Variants in ADGRV1 observed in about 807,000 individuals in gnomAD.
ADGRV1 encodes G-protein coupled receptor 98.
In ADGRV1, 359 loss-of-function variants were observed where a neutral mutation model predicts 596.2. The ratio of observed to expected loss-of-function variants is 0.60; its 90% CI spans 0.55 to 0.66. The LOEUF (loss-of-function observed/expected upper bound fraction) is 0.66. Ranked by LOEUF, ADGRV1 falls within the 30% of genes least tolerant of loss-of-function variation. The pLI is 0.00. For missense variants in ADGRV1, 7,274 were observed against 7,575.6 expected (o/e 0.96, Z 1.48); for synonymous variants, 2,681 against 2,679.2 (o/e 1.00, Z -0.02).
rs539747361 is a variant in ADGRV1 at position 90,774,243 on chromosome 5, G to T, written c.12343G>T (p.Asp4115Tyr). ...HTLQDTVLEE[D>Y]RRFTIQLISI... ...ACTTCAAGACACAGTGTTGGAGGAG[G>T]ACAGGCGTTTCACCATTCAGCTGAT... The change falls in exon 60 of 90, where the codon GAC (aspartate) becomes TAC (tyrosine). Residue 4115 changes from aspartate to tyrosine, a missense_variant. By Grantham distance (160) the Asp-to-Tyr change is radical (BLOSUM62 -3). Around this residue, in one of 5 missense-constraint regions of ADGRV1, gnomAD observed 3,643 missense variants for 3,809.2 expected, o/e 0.96. Coordinates refer to ENST00000405460, the MANE Select transcript of ADGRV1 (RefSeq NM_032119.4). 1 of 1,611,820 alleles carries T rather than the reference G, an allele frequency of 6.2e-7. No homozygotes were observed. The highest frequency in any genetic ancestry group is 1.1e-5 in the South Asian group (1 of 91,026).
Position 90,658,110 on chromosome 5 carries a change from T to C in ADGRV1, c.4584T>C (p.Ser1528=), listed in dbSNP as rs1195045693. The C allele has an allele frequency of 6.2e-7, 1 of 1,613,794 alleles. No individual in the cohort carries two copies. Among genetic ancestry groups the C allele is most frequent in the Non-Finnish European group, 8.5e-7 (1 of 1,179,832 alleles). The part of the protein sequence containing the change: ...QGETNKSFII[S]ARDDNDEEGE... Reference sequence around the variant, plus strand: ...AAACTAACAAATCATTCATTATTTCTGCAAGAGATGACAATGACGAGGAAG... The same window carrying C: ...AAACTAACAAATCATTCATTATTTCCGCAAGAGATGACAATGACGAGGAAG... Residue 1528 remains serine (S), a synonymous_variant, in exon 21 of 90, where the codon TCT becomes TCC. Coordinates refer to ENST00000405460, the MANE Select transcript of ADGRV1 (RefSeq NM_032119.4).
intron 13 of ADGRV1, among the ~76,000 whole-genome samples, chr5:90,643,282 G>A (rs949071275): frequency 5.3e-5 from 8 of 151,534 alleles, no homozygotes; most frequent in Non-Finnish European, 2.9e-5. Flanking sequence ...GACTTTCAGT[G>A]TGTGATCAGT....
intron 1 of ADGRV1, among the ~76,000 whole-genome samples, chr5:90,595,655 C>T (rs1273963900): frequency 1.7e-4 from 21 of 126,430 alleles, no homozygotes; most frequent in African/African-American, 3.0e-4. Flanking sequence ...GCTGGCCGGG[C>T]GGGGAACTGA....
At position 90,965,493 on chromosome 5, in the gene ADGRV1, T is replaced by G; in HGVS notation, c.17935T>G (p.Tyr5979Asp). 1 of 1,613,450 alleles carries G rather than the reference T, an allele frequency of 6.2e-7. No individual in the cohort carries two copies. The highest frequency in any genetic ancestry group is 1.1e-5 in the South Asian group (1 of 91,024). The change falls in exon 84 of 90, where the codon TAC (tyrosine) becomes GAC (aspartate). Residue 5979 changes from tyrosine to aspartate, a missense_variant. Tyr to Asp is a radical substitution (Grantham distance 160). Transcript: ENST00000405460. ...SCSAMAAVTH[Y>D]LYLCQFSWML... ...TTCAGCTATGGCTGCTGTCACACAT[T>G]ACCTGTATCTTTGCCAGTTTAGCTG...
chr5:91,078,412 T>A (rs1789039750), intron 86 of ADGRV1, among the ~76,000 whole-genome samples: 1 of 152,162 alleles, frequency 6.6e-6, no homozygotes, highest in Admixed American at 6.5e-5. Context: ...ATGGCTGCCA[T>A]CAGTTACTTT....
chr5:90,815,506 A>T (rs1762807247), intron 74 of ADGRV1, 113 bp from the exon 75 acceptor site: 1 of 588,238 alleles, frequency 1.7e-6, no homozygotes. Flanking sequence ...AGCTCTCCTC[A>T]CCACCTGTGA....
chr5:91,086,135 C>T (rs749481391), intron 86 of ADGRV1, among the ~76,000 whole-genome samples: 1 of 152,166 alleles, frequency 6.6e-6, no homozygotes, highest in Non-Finnish European at 1.5e-5. Flanking sequence ...GGTCATAGCC[C>T]TTTCTTCTTA....
intron 85 of ADGRV1, among the ~76,000 whole-genome samples, chr5:91,001,504 G>A (rs1263506225): frequency 6.6e-6 from 1 of 151,960 alleles, no homozygotes; most frequent in African/African-American, 2.4e-5. Flanking sequence ...TGAGACCAGG[G>A]AGTTTAGGCA....
chr5:90,581,702 G>A (rs1158190793), intron 1 of ADGRV1, among the ~76,000 whole-genome samples: 1 of 152,146 alleles, frequency 6.6e-6, no homozygotes, highest in East Asian at 1.9e-4. Flanking sequence ...ACGGGGCTCT[G>A]GCACCCACTT....
intron 50 of ADGRV1, among the ~76,000 whole-genome samples, chr5:90,739,801 A>G (rs1753725867): frequency 6.6e-6 from 1 of 152,196 alleles, no homozygotes; most frequent in South Asian, 2.1e-4. Context: ...GCAGGACTGC[A>G]GGCTATGCTG....
At chr5:91,055,249 A>AAC (rs1554208815) in intron 85 of ADGRV1, among the ~76,000 whole-genome samples, 1 of 147,178 alleles carries the variant, frequency 6.8e-6, no homozygotes, top group African/African-American at 2.5e-5. Flanking sequence ...TGCTGTTGCA[A>AAC]ATATATATAT....
intron 21 of ADGRV1, among the ~76,000 whole-genome samples, chr5:90,669,554 T>A (rs1409226157): frequency 1.3e-5 from 2 of 152,350 alleles, no homozygotes; most frequent in South Asian, 4.1e-4. Flanking sequence ...TGGCATATTA[T>A]CTTTAAAAAA....
intron 85 of ADGRV1, among the ~76,000 whole-genome samples, chr5:91,070,765 ACT>A (rs1433982794): frequency 6.6e-6 from 1 of 152,170 alleles, no homozygotes; most frequent in Non-Finnish European, 1.5e-5. Flanking sequence ...TCCTATCTAA[ACT>A]CTGGTAATAA....
At position 90,774,212 on chromosome 5, in the gene ADGRV1, G is replaced by A. The variant is rs754753377; in HGVS notation, c.12312G>A (p.Leu4104=). 1 of 1,608,060 alleles carries A rather than the reference G, an allele frequency of 6.2e-7. No individual in the cohort carries two copies. The highest frequency in any genetic ancestry group is 8.5e-7 in the Non-Finnish European group (1 of 1,175,102). The change falls in exon 60 of 90, where the codon TTG becomes TTA. Residue 4104 remains leucine, a synonymous_variant. Transcript: ENST00000405460. ...DETESQKTIV[L]HTLQDTVLEE... is the part of the protein sequence containing the mutation. ...CTGAGTCCCAGAAGACCATTGTGTT[G>A]CACACACTTCAAGACACAGTGTTGG... is the stretch of plus-strand genomic sequence containing the variant.
At chr5:90,724,315 C>T (rs1044806516) in intron 45 of ADGRV1, among the ~76,000 whole-genome samples, 20 of 152,124 alleles carry the variant, frequency 1.3e-4, no homozygotes, top group African/African-American at 3.4e-4. Flanking sequence ...CTACAACCTC[C>T]GCCTCCCGGG....
chr5:90,595,598 TG>T (rs1294107676), intron 1 of ADGRV1, among the ~76,000 whole-genome samples: 3 of 130,716 alleles, frequency 2.3e-5, no homozygotes, highest in East Asian at 2.4e-4. Context: ...ATGGGGCGGC[TG>T]GCCGGGCGGG....
At chr5:91,026,705 C>T (rs1353858031) in intron 85 of ADGRV1, among the ~76,000 whole-genome samples, 1 of 151,980 alleles carries the variant, frequency 6.6e-6, no homozygotes, top group East Asian at 1.9e-4. Flanking sequence ...TGGCAGGTAA[C>T]AAAAGTTGGT....
intron 65 of ADGRV1, 44 bp from the exon 66 acceptor site, chr5:90,783,080 T>C: frequency 6.6e-7 from 1 of 1,510,790 alleles, no homozygotes. Flanking sequence ...TATAAGTTAG[T>C]TGCTCTGTCT....
At chr5:90,897,356 CTTG>C (rs748506824) in intron 83 of ADGRV1, among the ~76,000 whole-genome samples, 11 of 152,064 alleles carry the variant, frequency 7.2e-5, no homozygotes, top group Non-Finnish European at 1.5e-4. Flanking sequence ...TTACCTGCTG[CTTG>C]TTAATTTTGT....
Sources: gnomAD v4.1 joint callset for allele counts (sites outside exome capture counted in the v4.1 genomes callset) on GRCh38, gnomAD v4.1.1 for gene constraint, gnomAD v4.1.1 regional missense constraint, MANE v1.5 for transcripts, NCBI Gene and HGNC (gene_info 2026-07-23, HGNC 2026-07-21) for gene names.